Variants in CACNG2 observed in about 807,000 individuals in gnomAD.
CACNG2 encodes the protein voltage-dependent calcium channel gamma-2 subunit.
Under a neutral mutation model 25.9 loss-of-function variants are expected in CACNG2, and 3 were observed. That is an observed-to-expected ratio of 0.12 (90% CI 0.05 to 0.30). CACNG2 has a LOEUF of 0.30. Among genes scored for constraint, CACNG2 ranks in the 10% least tolerant of loss-of-function variants. CACNG2 has a pLI of 1.00. For synonymous variants in CACNG2, 167 were observed against 173.3 expected (o/e 0.96, Z 0.29); for missense variants, 341 against 432.5 (o/e 0.79, Z 1.88).
intron 1 of CACNG2, among the ~76,000 whole-genome samples, chr22:36,610,215 G>T (rs1321137631): frequency 1.3e-5 from 2 of 151,158 alleles, no homozygotes; most frequent in African/African-American, 4.9e-5. Context: ...GCCCCTTAGA[G>T]CGTGATTGGG....
chr22:36,666,113 A>G (rs1263900922), intron 1 of CACNG2, among the ~76,000 whole-genome samples: 3 of 152,236 alleles, frequency 2.0e-5, no homozygotes, highest in African/African-American at 7.2e-5. Context: ...CCAGACAAAA[A>G]GATAAATACT....
In CACNG2 at chr22:36,587,515, T is replaced by C. The variant is rs1230262402; in HGVS notation, c.245A>G (p.His82Arg). The stretch of plus-strand genomic sequence containing the variant: ...TTCGTAATCTGCATCCTCTGGGAAG[T>C]GATCAATTTGCTTGCACAGACCTTT... ...NFKGLCKQID[H>R]FPEDADYEAD... The change falls in exon 2 of 4, where the codon CAC (histidine) becomes CGC (arginine). Residue 82 changes from histidine (H) to arginine (R), a missense_variant. Physicochemically the swap from His to Arg is conservative, Grantham distance 29. Transcript: ENST00000300105. 6.2e-7 allele frequency: 1 copy of C among 1,613,566 alleles called. No individual in the cohort carries two copies. Among genetic ancestry groups the C allele is most frequent in the Non-Finnish European group, 8.5e-7 (1 of 1,179,562 alleles).
chr22:36,688,017 G>A (rs926862942), intron 1 of CACNG2, among the ~76,000 whole-genome samples: 1 of 152,118 alleles, frequency 6.6e-6, no homozygotes, highest in Admixed American at 6.5e-5. Context: ...CACTAAGTTC[G>A]TGTAATTTAT....
intron 1 of CACNG2, among the ~76,000 whole-genome samples, chr22:36,623,539 G>C (rs980924596): frequency 6.6e-6 from 1 of 152,110 alleles, no homozygotes; most frequent in African/African-American, 2.4e-5. Context: ...CTACTCGATT[G>C]CGTTCATTGT....
chr22:36,609,718 C>G (rs1935904239), intron 1 of CACNG2, among the ~76,000 whole-genome samples: 1 of 139,980 alleles, frequency 7.1e-6, no homozygotes, highest in Admixed American at 7.2e-5. Flanking sequence ...CAGGAATCAG[C>G]CCCCCAGAGC....
At chr22:36,638,464 T>C (rs1936393029) in intron 1 of CACNG2, among the ~76,000 whole-genome samples, 1 of 152,208 alleles carries the variant, frequency 6.6e-6, no homozygotes, top group Non-Finnish European at 1.5e-5. Context: ...TGGTACTTTC[T>C]GGAAGGCTCT....
intron 1 of CACNG2, among the ~76,000 whole-genome samples, chr22:36,604,708 A>C (rs1170417821): frequency 3.3e-5 from 5 of 152,226 alleles, no homozygotes; most frequent in African/African-American, 9.6e-5. Context: ...AATATGTTAA[A>C]ATTATGTATG....
chr22:36,621,566 C>T (rs924726159), intron 1 of CACNG2, among the ~76,000 whole-genome samples: 12 of 135,074 alleles, frequency 8.9e-5, no homozygotes, highest in African/African-American at 3.6e-4. Context: ...TGAGATTTTG[C>T]CTCAAAAAAA....
intron 1 of CACNG2, among the ~76,000 whole-genome samples, chr22:36,647,595 T>C (rs907116847): frequency 7.4e-6 from 1 of 135,436 alleles, no homozygotes; most frequent in African/African-American, 3.6e-5. Context: ...AAACTCCATA[T>C]CAAAAAAAAA....
At chr22:36,636,834 C>T (rs945089210) in intron 1 of CACNG2, among the ~76,000 whole-genome samples, 1 of 152,232 alleles carries the variant, frequency 6.6e-6, no homozygotes, top group Non-Finnish European at 1.5e-5. Context: ...TGTAGGCAGG[C>T]ATTCACGTGG....
In CACNG2 at chr22:36,611,963, G is replaced by C. The variant is rs930045632; in HGVS notation, c.212-24415C>G. 3.9e-5 allele frequency among the ~76,000 whole-genome samples: 6 copies of C among 152,308 alleles called. No homozygotes were observed. In the South Asian group the frequency reaches 6.2e-4, roughly 16 times the overall value. On this transcript the variant is annotated intron_variant, in intron 1 of 3. Transcript: ENST00000300105. ...ATACCCTGAGCCTCCTCTGTAAACC[G>C]GGTTAATAACACCAATGTCAAAACA... is the stretch of plus-strand genomic sequence containing the variant.
intron 1 of CACNG2, among the ~76,000 whole-genome samples, chr22:36,644,185 G>C (rs961416285): frequency 3.3e-5 from 5 of 152,184 alleles, no homozygotes; most frequent in Non-Finnish European, 5.9e-5. Flanking sequence ...CATCCCAATA[G>C]CCCAAGAATG....
intron 1 of CACNG2, among the ~76,000 whole-genome samples, chr22:36,637,394 C>A (rs1936373485): frequency 1.3e-5 from 2 of 152,148 alleles, no homozygotes; most frequent in African/African-American, 2.4e-5. Flanking sequence ...TGTTGCAAGC[C>A]TTCCTAGCAA....
At chr22:36,701,764 G>T (rs1937414375) in intron 1 of CACNG2, among the ~76,000 whole-genome samples, 1 of 152,116 alleles carries the variant, frequency 6.6e-6, no homozygotes, top group Non-Finnish European at 1.5e-5. Context: ...CAGCCACCTC[G>T]AGTGATATGT....
intron 2 of CACNG2, among the ~76,000 whole-genome samples, chr22:36,567,396 A>G (rs1426319235): frequency 6.6e-6 from 1 of 152,236 alleles, no homozygotes; most frequent in African/African-American, 2.4e-5. Context: ...TAGTCTGCCA[A>G]TAGAAGCTCA....
chr22:36,613,698 A>G (rs1235381399), intron 1 of CACNG2, among the ~76,000 whole-genome samples: 1 of 151,856 alleles, frequency 6.6e-6, no homozygotes, highest in Non-Finnish European at 1.5e-5. Context: ...GTCTTTATAT[A>G]CAACCCAGTC....
At position 36,679,278 on chromosome 22, in the gene CACNG2, C is replaced by T. The variant is rs746771054; in HGVS notation, c.211+23088G>A. ...TTAAAAAAGGACATGTGATGAGTTC[C>T]GGTGAAGTGTGGTAGGGCTGTCAGT... On this transcript the variant is annotated intron_variant, in intron 1 of 3. Coordinates refer to ENST00000300105, the MANE Select transcript of CACNG2 (RefSeq NM_006078.5). Among the ~76,000 whole-genome samples the T allele has an allele frequency of 9.4e-5, 14 of 148,724 alleles. 1 individual carries two copies. The South Asian group carries it at 1.3e-3, about 14-fold the overall frequency.
chr22:36,679,721 C>T (rs1001616571), intron 1 of CACNG2, among the ~76,000 whole-genome samples: 2 of 152,120 alleles, frequency 1.3e-5, no homozygotes, highest in Non-Finnish European at 2.9e-5. Context: ...AAAGAGCCCA[C>T]TCCAGCTCTC....
intron 1 of CACNG2, among the ~76,000 whole-genome samples, chr22:36,699,652 G>C (rs142620597): frequency 7.4e-6 from 1 of 134,798 alleles, no homozygotes; most frequent in Non-Finnish European, 1.5e-5. Context: ...TAAGGGGTGG[G>C]GGGTGGGGGG....
Sources: gnomAD v4.1 joint callset for allele counts (sites outside exome capture counted in the v4.1 genomes callset) on GRCh38, gnomAD v4.1.1 for gene constraint, MANE v1.5 for transcripts, NCBI Gene and HGNC (gene_info 2026-07-23, HGNC 2026-07-21) for gene names.